The following NECTIN3 variants were observed in gnomAD, a reference collection of about 807,000 sequenced individuals.
NECTIN3 encodes the protein nectin-3.
In NECTIN3, 8 loss-of-function variants were observed where a neutral mutation model predicts 49.4. The ratio of observed to expected loss-of-function variants is 0.16; its 90% CI spans 0.10 to 0.29. NECTIN3 has a LOEUF of 0.29. Ranked by LOEUF, NECTIN3 falls within the 10% of genes least tolerant of loss-of-function variation. The pLI is 1.00. For synonymous variants in NECTIN3, 277 were observed against 241.1 expected, an observed-to-expected ratio of 1.15 and a Z score of -1.38; for missense variants, 581 against 654.6, an observed-to-expected ratio of 0.89 and a Z score of 1.23.
intron 7 of NECTIN3, among the ~76,000 whole-genome samples, chr3:111,151,852 A>C (rs1473756903): frequency 6.6e-6 from 1 of 151,796 alleles, no homozygotes; most frequent in Non-Finnish European, 1.5e-5. Context: ...GGTGTTTTCT[A>C]AGGTCTCATT....
intron 5 of NECTIN3, among the ~76,000 whole-genome samples, chr3:111,128,679 C>T (rs899239755): frequency 6.6e-6 from 1 of 152,152 alleles, no homozygotes; most frequent in African/African-American, 2.4e-5. Flanking sequence ...CTTTTTCTCT[C>T]ACACCCTAGT....
At chr3:111,073,335 T>G (rs2030936902) in intron 1 of NECTIN3, 3 of 152,274 alleles carry the variant, frequency 2.0e-5, no homozygotes, top group African/African-American at 7.2e-5. Flanking sequence ...AGGAGAATCC[T>G]GTTACATGGT....
chr3:111,098,434 G>T (rs2032715856), intron 1 of NECTIN3, among the ~76,000 whole-genome samples: 1 of 152,186 alleles, frequency 6.6e-6, no homozygotes, highest in Non-Finnish European at 1.5e-5. Context: ...GGGAGATTTT[G>T]TTCCATGCTT....
chr3:111,090,453 T>C (rs895926977), intron 1 of NECTIN3, among the ~76,000 whole-genome samples: 2 of 152,232 alleles, frequency 1.3e-5, no homozygotes, highest in East Asian at 3.9e-4. Flanking sequence ...CCTTGACTTA[T>C]TAAAGTCATA....
rs1476312898 is a variant in NECTIN3 at position 111,126,308 on chromosome 3, A to G, written c.1042A>G (p.Ser348Gly). ...CKVTNSLGQR[S>G]DQKVIYISDP... ...AGTGACCAATTCCCTTGGTCAAAGA[A>G]GTGACCAAAAAGTCATCTACATTTC... Residue 348 changes from serine (S) to glycine (G), a missense_variant, in exon 5 of 6, where the codon AGT (serine) becomes GGT (glycine). By Grantham distance (56) the Ser-to-Gly change is moderately conservative (BLOSUM62 0). Coordinates refer to ENST00000485303, the MANE Select transcript of NECTIN3 (RefSeq NM_015480.3). 1 of 1,607,892 alleles carries G rather than the reference A, an allele frequency of 6.2e-7. No homozygotes were observed. The highest frequency in any genetic ancestry group is 2.2e-5 in the East Asian group (1 of 44,560).
At chr3:111,128,352 T>G (rs2034253870) in intron 5 of NECTIN3, among the ~76,000 whole-genome samples, 1 of 151,392 alleles carries the variant, frequency 6.6e-6, no homozygotes, top group Non-Finnish European at 1.5e-5. Flanking sequence ...AAAAAATAAA[T>G]ATCAAGGCTC....
At chr3:111,087,556 G>A (rs13081527) in intron 1 of NECTIN3, among the ~76,000 whole-genome samples, 91,040 of 151,864 alleles carry the variant, frequency 0.6, 32,960 homozygotes, top group Non-Finnish European at 0.82. Flanking sequence ...GGGAGGCTGA[G>A]GCAGGATAAT....
At chr3:111,105,538 G>C (rs922541768) in intron 1 of NECTIN3, among the ~76,000 whole-genome samples, 4 of 151,920 alleles carry the variant, frequency 2.6e-5, no homozygotes, top group African/African-American at 9.7e-5. Flanking sequence ...TGTATATATT[G>C]GTCTTAGGTC....
chr3:111,115,741 A>C (rs115616416), intron 2 of NECTIN3, among the ~76,000 whole-genome samples: 1,575 of 152,326 alleles, frequency 0.01, 33 homozygotes, highest in African/African-American at 0.034. Context: ...ATAATGTCTC[A>C]GCCATGAGGC....
intron 7 of NECTIN3, among the ~76,000 whole-genome samples, chr3:111,157,862 A>G (rs1445030002): frequency 2.0e-5 from 3 of 152,102 alleles, no homozygotes; most frequent in African/African-American, 4.8e-5. Context: ...AATGTTCTAC[A>G]TAGATATCTT....
intron 1 of NECTIN3, among the ~76,000 whole-genome samples, chr3:111,102,512 G>C (rs2032961973): frequency 1.3e-5 from 2 of 152,202 alleles, no homozygotes; most frequent in South Asian, 4.1e-4. Context: ...ATCTTGTTCT[G>C]TGCCTTCTTC....
intron 7 of NECTIN3, among the ~76,000 whole-genome samples, chr3:111,159,827 T>C (rs1471350186): frequency 3.9e-5 from 6 of 152,250 alleles, no homozygotes; most frequent in Non-Finnish European, 8.8e-5. Context: ...ATGATCTCTG[T>C]AATTTTTAAA....
intron 1 of NECTIN3, chr3:111,193,216 G>A (rs2035843598): frequency 6.5e-7 from 1 of 1,535,628 alleles, no homozygotes; most frequent in Non-Finnish European, 8.7e-7. Context: ...CTAAATAGCA[G>A]GAGTTTTGAC....
intron 7 of NECTIN3, among the ~76,000 whole-genome samples, chr3:111,165,345 A>AT (rs942938408): frequency 3.3e-5 from 5 of 151,464 alleles, no homozygotes; most frequent in African/African-American, 1.2e-4. Flanking sequence ...GCCCGGCCAG[A>AT]TTTTTTTTTA....
Position 111,072,775 on chromosome 3 carries a change from C to T in NECTIN3, c.160+598C>T, listed in dbSNP as rs955379630. On this transcript the variant is annotated intron_variant, in intron 1 of 5. Transcript: ENST00000485303. ...CTCTAGATTGACCCTCGTCCCTGCC[C>T]TCCAGCTTGTGGGACGTCTCTCACA... The T allele has an allele frequency of 2.6e-5, 14 of 541,682 alleles. 1 individual carries two copies. The highest frequency in any genetic ancestry group is 3.5e-5 in the East Asian group (1 of 28,312). 33.6% of individuals were successfully genotyped at this position (541,682 alleles called of 1,614,324 possible).
At chr3:111,144,853 T>A (rs763265190) in intron 5 of NECTIN3, 6 of 1,494,434 alleles carry the variant, frequency 4.0e-6, no homozygotes, top group Non-Finnish European at 5.4e-6. Context: ...ATTTCAAGAA[T>A]TATTTTTAAG....
chr3:111,095,437 G>A (rs2032527922), intron 1 of NECTIN3, among the ~76,000 whole-genome samples: 1 of 152,074 alleles, frequency 6.6e-6, no homozygotes, highest in Non-Finnish European at 1.5e-5. Context: ...TGCATTTCTG[G>A]GGTCTACCTT....
Position 111,136,707 on chromosome 3 carries a change from CATATTT to C in NECTIN3, c.*2501_*2506del, listed in dbSNP as rs1260200850. ...AATGAATATTTGTACTATTTTTGGCCATATTTATATTTATTTCTTTCATATGGTTTG... is the reference window on the plus strand; with the variant it reads ...AATGAATATTTGTACTATTTTTGGCCATATTTATTTCTTTCATATGGTTTG... On this transcript the variant is annotated 3_prime_UTR_variant, in exon 6 of 6. Coordinates refer to ENST00000485303, the MANE Select transcript of NECTIN3 (RefSeq NM_015480.3). 2 of 916,654 alleles carry C rather than the reference CATATTT, an allele frequency of 2.2e-6. No individual in the cohort carries two copies. The highest frequency in any genetic ancestry group is 3.6e-5 in the African/African-American group (2 of 55,408). The allele number at this position is 916,654 out of a possible 1,614,324, so 56.8% of individuals were successfully genotyped here. A position where few individuals can be genotyped will look rare whatever the true frequency, so the allele number is the denominator to read the frequency against.
In NECTIN3 at chr3:111,134,688, A is replaced by G. The variant is rs893166192; in HGVS notation, c.*473A>G. On this transcript the variant is annotated 3_prime_UTR_variant, in exon 6 of 6. Transcript: ENST00000485303. The stretch of plus-strand genomic sequence containing the variant: ...TAAAACTAATTCAAGAAATATTTAT[A>G]TATATTTTTTAATATACAAAAAATA... 4.9e-5 allele frequency: 42 copies of G among 851,244 alleles called. No individual in the cohort carries two copies. The East Asian group carries it at 1.5e-3, about 30-fold the overall frequency. 52.7% of individuals were successfully genotyped at this position (851,244 alleles called of 1,614,324 possible). A position where few individuals can be genotyped will look rare whatever the true frequency, so the allele number is the denominator to read the frequency against.
Sources: allele counts gnomAD v4.1 joint callset (sites outside exome capture counted in the v4.1 genomes callset), GRCh38; gene constraint gnomAD v4.1.1; transcripts MANE v1.5; gene names NCBI Gene and HGNC (gene_info 2026-07-23, HGNC 2026-07-21).